DALRD3: variants seen among roughly 807,000 people sequenced by gnomAD.
DALRD3 encodes the protein DALR anticodon binding domain containing 3.
A neutral mutation model predicts 56.7 loss-of-function variants in DALRD3; 47 were observed. The observed-to-expected ratio is 0.83, with a 90% CI of 0.66 to 1.06. The LOEUF is 1.06. Ranked by LOEUF, DALRD3 falls within the 50% of genes least tolerant of loss-of-function variation. The pLI, the probability that DALRD3 is intolerant of heterozygous loss-of-function variation, is 0.00. For synonymous variants in DALRD3, 347 were observed against 308.5 expected (o/e 1.12, Z -1.31); for missense variants, 787 against 724.0 (o/e 1.09, Z -1.00).
In DALRD3 at chr3:49,018,253, G is replaced by C; in HGVS notation, c.231C>G (p.Arg77=). 3.5e-6 allele frequency: 5 copies of C among 1,442,644 alleles called. No homozygotes were observed. The highest frequency in any genetic ancestry group is 4.5e-6 in the Non-Finnish European group (5 of 1,106,680). The allele number at this position is 1,442,644 out of a possible 1,614,324, so 89.4% of individuals were successfully genotyped here. Residue 77 remains arginine, a synonymous_variant, in exon 2 of 12, where the codon CGC becomes CGG. Transcript: ENST00000341949. ...ACAGACCCGCGGGGGTCGGCGCGCAGCGCAGCACCGGGGCCACACCGGGGC... is the reference window on the plus strand; with the variant it reads ...ACAGACCCGCGGGGGTCGGCGCGCACCGCAGCACCGGGGCCACACCGGGGC... The part of the protein sequence containing the change: ...LQGPGVAPVL[R]CAPTPAGLSL...
rs2093104984 is a variant in DALRD3, at chr3:49,017,698, G to A, written c.633C>T (p.Gly211=). The change falls in exon 3 of 12, where the codon GGC becomes GGT. Residue 211 remains glycine, a synonymous_variant. Transcript: ENST00000341949. The stretch of plus-strand genomic sequence containing the variant: ...CCTTCAGACACAGTCTGCCTAGGAT[G>A]CCAGGGGACAGTGTCCTCCCGTCAT... ...SANDGRTLSP[G]ILGRLCLKEL... 1 of 1,614,052 alleles carries A rather than the reference G, an allele frequency of 6.2e-7. No individual in the cohort carries two copies. Among genetic ancestry groups the A allele is most frequent in the Non-Finnish European group, 8.5e-7 (1 of 1,180,048 alleles).
intron 4 of DALRD3, 35 bp from the exon 5 acceptor site, chr3:49,017,391 T>C: frequency 6.2e-7 from 1 of 1,614,136 alleles, no homozygotes; most frequent in Non-Finnish European, 8.5e-7. Flanking sequence ...GGAAGTACAG[T>C]ATACTTGGTT....
chr3:49,015,938 T>C (rs2093060767), intron 10 of DALRD3, 35 bp downstream of exon 10: 1 of 1,614,154 alleles, frequency 6.2e-7, no homozygotes, highest in Non-Finnish European at 8.5e-7. Flanking sequence ...GAATAAAGAA[T>C]AGAGTGTAGA....
At chr3:49,019,877 A>C (rs1442184835), upstream of DALRD3, among the ~76,000 whole-genome samples, 15 of 152,224 alleles carry the variant, frequency 9.9e-5, no homozygotes, top group Non-Finnish European at 2.9e-5. Flanking sequence ...GGCCAACCAA[A>C]TAATGCGACC....
Position 49,017,758 on chromosome 3 carries a change from C to A in DALRD3, c.573G>T (p.Leu191=). ...AASERASSHT[L]RSHALEELTS... is the part of the protein sequence containing the mutation. ...TAAGTTCTTCAAGGGCGTGGCTCCT[C>A]AGGGTGTGGGAGGAAGCTCTCTCCG... The change falls in exon 3 of 12, where the codon CTG becomes CTT. Residue 191 remains leucine (L), a synonymous_variant. Coordinates refer to ENST00000341949, the MANE Select transcript of DALRD3 (RefSeq NM_001009996.3). The A allele has an allele frequency of 3.7e-6, 6 of 1,613,834 alleles. No homozygotes were observed. The highest frequency in any genetic ancestry group is 5.1e-6 in the Non-Finnish European group (6 of 1,179,988).
At position 49,018,212 on chromosome 3, in the gene DALRD3, C is replaced by G; in HGVS notation, c.272G>C (p.Arg91Pro). The G allele has an allele frequency of 2.8e-6, 4 of 1,444,670 alleles. No individual in the cohort carries two copies. Among genetic ancestry groups the G allele is most frequent in the East Asian group, 2.6e-5 (1 of 38,010 alleles). 89.5% of individuals were successfully genotyped at this position (1,444,670 alleles called of 1,614,324 possible). A position where few individuals can be genotyped will look rare whatever the true frequency, so the allele number is the denominator to read the frequency against. The change falls in exon 2 of 12, where the codon CGG becomes CCG. Residue 91 changes from arginine to proline, a missense_variant. Physicochemically the swap from Arg to Pro is moderately radical, Grantham distance 103. Coordinates refer to ENST00000341949, the MANE Select transcript of DALRD3 (RefSeq NM_001009996.3). ...TPAGLSLQLQ[R>P]SAVFERVLSA... ...GAGGACGCGCTCGAAGACGGCGGACCGCTGCAGTTGGAGAGACAGACCCGC... is the reference window on the plus strand; with the variant it reads ...GAGGACGCGCTCGAAGACGGCGGACGGCTGCAGTTGGAGAGACAGACCCGC...
chr3:49,017,838 C>G lies in DALRD3; in HGVS notation c.493G>C (p.Asp165His), dbSNP rs781227318. 55 of 1,607,608 alleles carry G rather than the reference C, an allele frequency of 3.4e-5. 1 individual carries two copies. The highest frequency in any genetic ancestry group is 2.1e-4 in the African/African-American group (16 of 74,912). The change falls in exon 3 of 12, where the codon GAT becomes CAT. Residue 165 changes from aspartate (D) to histidine (H), a missense_variant. By Grantham distance (81) the Asp-to-His change is moderately conservative. Transcript: ENST00000341949. ...TGCAGGAAGGTCAGCATGTGCGGAT[C>G]CCGCACAGCTGGCACTAGGCGCACG... ...VCVRLVPAVR[D>H]PHMLTFLQQL... is the part of the protein sequence containing the mutation.
In DALRD3 at chr3:49,018,077, TG is replaced by T; in HGVS notation, c.406del (p.Gln136SerfsTer24). On this transcript the variant is annotated frameshift_variant, in exon 2 of 12. Coordinates refer to ENST00000341949, the MANE Select transcript of DALRD3 (RefSeq NM_001009996.3). LOFTEE classifies it high-confidence loss of function. ...ATCGGCCACGAGCACCGTACGCAGC[TG>T]GCTCAAGCGGAGTGCGCAGGGGGAG... ...RSSPCALRLS[Q>X]LRTVLVADHL... The T allele has an allele frequency of 6.7e-7, 1 of 1,491,348 alleles. No individual in the cohort carries two copies. The highest frequency in any genetic ancestry group is 8.8e-7 in the Non-Finnish European group (1 of 1,130,102). The allele number at this position is 1,491,348 out of a possible 1,614,324, so 92.4% of individuals were successfully genotyped here.
At position 49,016,777 on chromosome 3, in the gene DALRD3, T is replaced by A. The variant is rs764014482; in HGVS notation, c.998A>T (p.Tyr333Phe). 1.9e-6 allele frequency: 3 copies of A among 1,614,026 alleles called. No individual in the cohort carries two copies. In the African/African-American group the frequency reaches 4.0e-5, roughly 22 times the overall value. ...TGTTCCTCCCAGCCTCACTCACTCG[T>A]AGTACTCAGGGGCAGTCATCAGAGT... ...PGTLMTAPEY[Y>F]EFRHTQVCKA... The change falls in exon 6 of 12, where the codon TAC becomes TTC. Residue 333 changes from tyrosine to phenylalanine, a missense_variant. Transcript: ENST00000341949.
In DALRD3 at chr3:49,016,615, G is replaced by A. The variant is rs780260546; in HGVS notation, c.1060C>T (p.Gln354Ter). ...AGCCAGGGTTTCCCAGGCACACCTT[G>A]TGCCAGATCCCCACCATGCTTCAGT... Reference protein sequence around the residue: ...SALKHGGDLAQDPAWTEIFGV... With the variant: ...SALKHGGDLA The change falls in exon 7 of 12, where the codon CAA becomes TAA. Residue 354 changes from glutamine (Q) to a stop codon, truncating the protein, a stop_gained. Transcript: ENST00000341949. LOFTEE classifies it high-confidence loss of function. 5 of 1,585,260 alleles carry A rather than the reference G, an allele frequency of 3.2e-6. No individual in the cohort carries two copies. The highest frequency in any genetic ancestry group is 3.4e-4 in the Middle Eastern group (2 of 5,950).
chr3:49,015,661 A>C lies in DALRD3; in HGVS notation c.1559T>G (p.Leu520Arg). ...LFGQMFVRLQ[L>R]LRAVREVLHT... ...GAGCACCTCACGCACAGCTCTCAGA[A>C]GCTGCAGGCGGACGAACATCTGACC... Residue 520 changes from leucine (L) to arginine (R), a missense_variant, in exon 12 of 12, where the codon CTT (leucine) becomes CGT (arginine). Physicochemically the swap from Leu to Arg is moderately radical, Grantham distance 102. Coordinates refer to ENST00000341949, the MANE Select transcript of DALRD3 (RefSeq NM_001009996.3). 4 of 1,614,144 alleles carry C rather than the reference A, an allele frequency of 2.5e-6. No homozygotes were observed. The highest frequency in any genetic ancestry group is 3.4e-6 in the Non-Finnish European group (4 of 1,180,028).
At position 49,017,208 on chromosome 3, in the gene DALRD3, C is replaced by T. The variant is rs542729427; in HGVS notation, c.927+20G>A. On this transcript the variant is annotated intron_variant, in intron 5 of 11. Transcript: ENST00000341949. Reference sequence around the variant, plus strand: ...TTGGGGGTTAGGTGGTGGGGAGCTCCACCATCATTATTAACCTACCTGTCT... The same window carrying T: ...TTGGGGGTTAGGTGGTGGGGAGCTCTACCATCATTATTAACCTACCTGTCT... 9.3e-6 allele frequency: 15 copies of T among 1,614,126 alleles called. No individual in the cohort carries two copies. The South Asian group carries it at 1.6e-4, about 18-fold the overall frequency.
At chr3:49,019,133 G>T, upstream of DALRD3, 1 of 630,034 alleles carries the variant, frequency 1.6e-6, no homozygotes, top group Non-Finnish European at 2.0e-6. Flanking sequence ...GAGTGCAGTG[G>T]CACGATCTCG....
chr3:49,016,941 A>G, intron 5 of DALRD3, 94 bp from the exon 6 acceptor site: 3 of 1,440,976 alleles, frequency 2.1e-6, no homozygotes, highest in African/African-American at 1.4e-5. Flanking sequence ...CTCAGCCCAG[A>G]CTCCCTCAAA....
At position 49,016,331 on chromosome 3, in the gene DALRD3, C is replaced by T. The variant is rs752997273; in HGVS notation, c.1156G>A (p.Ala386Thr). The change falls in exon 9 of 12, where the codon GCT becomes ACT. Residue 386 changes from alanine (A) to threonine (T), a missense_variant. Physicochemically the swap from Ala to Thr is moderately conservative, Grantham distance 58. Coordinates refer to ENST00000341949, the MANE Select transcript of DALRD3 (RefSeq NM_001009996.3). ...GTGGAGATACTGCTGTCAGCCAGAG[C>T]CAGGAAGAGCTGGGGAATAGAAGCA... ...STAPQSQLFL[A>T]LADSSISTKG... 1.2e-6 allele frequency: 2 copies of T among 1,607,022 alleles called. No homozygotes were observed. Among genetic ancestry groups the T allele is most frequent in the East Asian group, 4.5e-5 (2 of 44,700 alleles).
In DALRD3 at chr3:49,017,308, C is replaced by T. The variant is rs945020332; in HGVS notation, c.847G>A (p.Val283Ile). Residue 283 changes from valine (V) to isoleucine (I), a missense_variant, in exon 5 of 12, where the codon GTT (valine) becomes ATT (isoleucine). Physicochemically the swap from Val to Ile is conservative, Grantham distance 29. Coordinates refer to ENST00000341949, the MANE Select transcript of DALRD3 (RefSeq NM_001009996.3). ...GTGGCLVVHV[V>I]SCEEEFQQQK... ...TGCTGGAACTCCTCCTCACAGCTAACAACATGTACAACCAGGCAGCCGCCT... is the reference window on the plus strand; with the variant it reads ...TGCTGGAACTCCTCCTCACAGCTAATAACATGTACAACCAGGCAGCCGCCT... 3.1e-6 allele frequency: 5 copies of T among 1,614,104 alleles called. No homozygotes were observed. The Admixed American group carries it at 8.3e-5, about 27-fold the overall frequency.
upstream of DALRD3, among the ~76,000 whole-genome samples, chr3:49,019,640 C>G (rs2093134859): frequency 6.6e-6 from 1 of 151,892 alleles, no homozygotes; most frequent in Non-Finnish European, 1.5e-5. Context: ...CCACCACGCC[C>G]GGCTACTTTT....
rs766668118 is a variant in DALRD3, at chr3:49,017,889, G to A, written c.462-20C>T. ...CACACCCTGCGAAGGGAGGGCGGCC[G>A]CCTCAGTCTGAGCACCTGGTCCAGC... On this transcript the variant is annotated intron_variant, in intron 2 of 11. Transcript: ENST00000341949. 29 of 1,584,490 alleles carry A rather than the reference G, an allele frequency of 1.8e-5. No individual in the cohort carries two copies. In the African/African-American group the frequency reaches 2.7e-4, roughly 15 times the overall value.
In DALRD3 at chr3:49,017,212, A is replaced by G. The variant is rs561007298; in HGVS notation, c.927+16T>C. 3.0e-5 allele frequency: 49 copies of G among 1,614,096 alleles called. No homozygotes were observed. The South Asian group carries it at 4.8e-4, about 16-fold the overall frequency. On this transcript the variant is annotated intron_variant, in intron 5 of 11. Transcript: ENST00000341949. ...GGGTTAGGTGGTGGGGAGCTCCACC[A>G]TCATTATTAACCTACCTGTCTGAGT...
Sources: allele counts gnomAD v4.1 joint callset (sites outside exome capture counted in the v4.1 genomes callset), GRCh38; gene constraint gnomAD v4.1.1; transcripts MANE v1.5; gene names NCBI Gene and HGNC (gene_info 2026-07-23, HGNC 2026-07-21).